GALNT9: variants seen among roughly 807,000 people sequenced by gnomAD.
The protein encoded by GALNT9 is polypeptide N-acetylgalactosaminyltransferase 9.
In GALNT9, 47 loss-of-function variants were observed where a neutral mutation model predicts 63.1. That is an observed-to-expected ratio of 0.75 (90% CI 0.59 to 0.95). The LOEUF is 0.95. GALNT9 is among the 40% of genes least tolerant of loss of function. The pLI is 0.00. For missense variants in GALNT9, 829 were observed against 874.8 expected, an observed-to-expected ratio of 0.95 and a Z score of 0.66; for synonymous variants, 396 against 365.7, an observed-to-expected ratio of 1.08 and a Z score of -0.94.
chr12:132,247,845 C>T, intron 6 of GALNT9, 65 bp downstream of exon 6: 1 of 1,546,532 alleles, frequency 6.5e-7, no homozygotes, highest in South Asian at 1.2e-5. Flanking sequence ...CGCCCTCATC[C>T]TGTTCCCAGA....
chr12:132,295,288 C>T (rs1001988708), intron 1 of GALNT9, among the ~76,000 whole-genome samples: 11 of 152,192 alleles, frequency 7.2e-5, no homozygotes, highest in African/African-American at 2.7e-4. Flanking sequence ...AGAGGCCCAG[C>T]GCCAGGCGCT....
intron 1 of GALNT9, among the ~76,000 whole-genome samples, chr12:132,325,889 C>T (rs1041091106): frequency 1.3e-5 from 2 of 152,268 alleles, no homozygotes; most frequent in Admixed American, 6.5e-5. Context: ...GGGCCAGGAC[C>T]GCGCCAGGCA....
intron 6 of GALNT9, among the ~76,000 whole-genome samples, chr12:132,221,503 CAA>C (rs1292056083): frequency 6.7e-6 from 1 of 149,436 alleles, no homozygotes; most frequent in Non-Finnish European, 1.5e-5. Context: ...ACTAAAAATA[CAA>C]AAATTAGCTG....
In GALNT9 at chr12:132,327,647, T is replaced by C. The variant is rs1869094040; in HGVS notation, c.238+1319A>G. ...TGCTTGAACTACTTTTCTCCCCTCG[T>C]GGCTCCAGCTGAATCAGAAAGATCA... is the stretch of plus-strand genomic sequence containing the variant. On this transcript the variant is annotated intron_variant, in intron 1 of 10. Transcript: ENST00000328957. The surrounding 1 kb of genome is among the most constrained non-coding windows in gnomAD (Gnocchi z 4.3). Among the ~76,000 whole-genome samples, 1 of 152,148 alleles carries C rather than the reference T, an allele frequency of 6.6e-6. No individual in the cohort carries two copies. The highest frequency in any genetic ancestry group is 2.1e-4 in the South Asian group (1 of 4,832).
intron 5 of GALNT9, among the ~76,000 whole-genome samples, chr12:132,255,257 A>G (rs1879066512): frequency 6.6e-6 from 1 of 152,230 alleles, no homozygotes; most frequent in Admixed American, 6.5e-5. Context: ...ACTCTTTTGT[A>G]GAGATAAAAT....
intron 1 of GALNT9, among the ~76,000 whole-genome samples, chr12:132,317,724 G>T (rs1244094546): frequency 6.6e-6 from 1 of 152,138 alleles, no homozygotes; most frequent in Non-Finnish European, 1.5e-5. Flanking sequence ...TCCCCAGCTG[G>T]CCCCACCTTC....
chr12:132,322,882 A>G (rs1238660048), intron 1 of GALNT9, among the ~76,000 whole-genome samples: 1 of 152,152 alleles, frequency 6.6e-6, no homozygotes, highest in African/African-American at 2.4e-5. Context: ...ACTTAGGCTG[A>G]CACCAGTCCG....
chr12:132,255,833 C>T (rs1879087374), intron 5 of GALNT9, among the ~76,000 whole-genome samples: 1 of 152,198 alleles, frequency 6.6e-6, no homozygotes, highest in Non-Finnish European at 1.5e-5. Context: ...GACAACACCG[C>T]GTGGACCCAC....
chr12:132,196,772 A>G lies in GALNT9; in HGVS notation c.*335T>C, dbSNP rs950888082. ...GCATGGTCCGGGGCTTGGCCTCCCT[A>G]TGGGGCGTGGGGGGCTGTGGTACAT... On this transcript the variant is annotated 3_prime_UTR_variant, in exon 11 of 11. Transcript: ENST00000328957. 2.8e-6 allele frequency: 3 copies of G among 1,079,236 alleles called. No homozygotes were observed. The highest frequency in any genetic ancestry group is 6.1e-5 in the South Asian group (2 of 32,544). 66.9% of individuals were successfully genotyped at this position (1,079,236 alleles called of 1,614,324 possible). A position where few individuals can be genotyped will look rare whatever the true frequency, so the allele number is the denominator to read the frequency against.
In GALNT9 at chr12:132,201,109, C is replaced by G. The variant is rs200971052; in HGVS notation, c.1401+15G>C. On this transcript the variant is annotated intron_variant, in intron 8 of 10. Coordinates refer to ENST00000328957, the MANE Select transcript of GALNT9 (RefSeq NM_001122636.2). ...AGCCTGTCGGGCCGAACGGGGCCCT[C>G]GGGGGAGGTGCTACCTCTCCGTACG... The G allele has an allele frequency of 1.2e-6, 2 of 1,610,456 alleles. No homozygotes were observed. Among genetic ancestry groups the G allele is most frequent in the African/African-American group, 1.3e-5 (1 of 74,810 alleles).
chr12:132,295,776 G>A (rs965751550), intron 1 of GALNT9, among the ~76,000 whole-genome samples: 13 of 152,006 alleles, frequency 8.6e-5, no homozygotes, highest in African/African-American at 2.7e-4. Flanking sequence ...GAGAGCTTCC[G>A]AACAGGGACA....
At chr12:132,207,137 G>GT (rs796797522) in intron 6 of GALNT9, among the ~76,000 whole-genome samples, 178 of 152,312 alleles carry the variant, frequency 1.2e-3, no homozygotes, top group African/African-American at 4.2e-3. Flanking sequence ...CCTCCATCCT[G>GT]TTTAGAGCCG....
rs1277197870 is a variant in GALNT9, at chr12:132,310,760, G to A, written c.238+18206C>T. Among the ~76,000 whole-genome samples, 1 of 152,176 alleles carries A rather than the reference G, an allele frequency of 6.6e-6. No individual in the cohort carries two copies. The highest frequency in any genetic ancestry group is 2.4e-5 in the African/African-American group (1 of 41,432). On this transcript the variant is annotated intron_variant, in intron 1 of 10. Transcript: ENST00000328957. The surrounding 1 kb of genome is among the most constrained non-coding windows in gnomAD (Gnocchi z 4.8). ...AATCGGGGAGGAAGGGGCAGAGGGA[G>A]CGCGCGCTGGGAAGGTGGGAGCCAC... is the stretch of plus-strand genomic sequence containing the variant.
At chr12:132,314,900 C>T (rs1004696303) in intron 1 of GALNT9, among the ~76,000 whole-genome samples, 9 of 152,194 alleles carry the variant, frequency 5.9e-5, no homozygotes, top group East Asian at 1.9e-4. Flanking sequence ...CCTCGGGTGG[C>T]GGAAATGAGA....
chr12:132,201,139 G>T lies in GALNT9; in HGVS notation c.1386C>A (p.Thr462=). 2.5e-6 allele frequency: 4 copies of T among 1,613,372 alleles called. No individual in the cohort carries two copies. Among genetic ancestry groups the T allele is most frequent in the Non-Finnish European group, 2.5e-6 (3 of 1,179,742 alleles). The change falls in exon 8 of 11, where the codon ACC becomes ACA. Residue 462 remains threonine (T), a synonymous_variant. Coordinates refer to ENST00000328957, the MANE Select transcript of GALNT9 (RefSeq NM_001122636.2). ...VYPEMRVYNN[T]LTYGEVRNSK... Reference sequence around the variant, plus strand: ...GAGGTGCTACCTCTCCGTACGTGAGGGTGTTGTTGTAGACCCTCATCTCCG... The same window carrying T: ...GAGGTGCTACCTCTCCGTACGTGAGTGTGTTGTTGTAGACCCTCATCTCCG...
At chr12:132,244,755 G>A (rs1293043097) in intron 6 of GALNT9, among the ~76,000 whole-genome samples, 3 of 85,136 alleles carry the variant, frequency 3.5e-5, no homozygotes, top group African/African-American at 1.2e-4. Context: ...GGGGCTGGAC[G>A]GGGGCGTGGT....
At chr12:132,226,412 C>T (rs1436730218) in intron 6 of GALNT9, among the ~76,000 whole-genome samples, 2 of 149,872 alleles carry the variant, frequency 1.3e-5, no homozygotes, top group Non-Finnish European at 1.5e-5. Context: ...CTCATATACC[C>T]CATGTACACA....
chr12:132,203,430 T>C, intron 7 of GALNT9, 75 bp downstream of exon 7: 1 of 1,470,088 alleles, frequency 6.8e-7, no homozygotes, highest in Non-Finnish European at 9.3e-7. Flanking sequence ...GGGGCCTCCC[T>C]CCGGCCCAGC....
At chr12:132,323,757 T>C (rs1436564092) in intron 1 of GALNT9, among the ~76,000 whole-genome samples, 1 of 152,170 alleles carries the variant, frequency 6.6e-6, no homozygotes, top group East Asian at 1.9e-4. Flanking sequence ...GTAGTAACTA[T>C]TTTTTCAGTT....
Sources: allele counts gnomAD v4.1 joint callset (sites outside exome capture counted in the v4.1 genomes callset), GRCh38; gene constraint gnomAD v4.1.1; non-coding constraint Gnocchi (gnomAD v3.1); transcripts MANE v1.5; gene names NCBI Gene and HGNC (gene_info 2026-07-23, HGNC 2026-07-21).